PLCB4: variants seen among roughly 807,000 people sequenced by gnomAD.
PLCB4 encodes the protein phospholipase C beta 4.
Under a neutral mutation model 178.8 loss-of-function variants are expected in PLCB4, and 77 were observed. The ratio of observed to expected loss-of-function variants is 0.43; its 90% CI spans 0.36 to 0.52. The LOEUF is 0.52. Among genes scored for constraint, PLCB4 ranks in the 20% least tolerant of loss-of-function variants. The probability of loss-of-function intolerance (pLI) is 0.00; values close to 1 mark genes in which losing one functional copy is unlikely to be tolerated. For missense variants in PLCB4, 1,024 were observed against 1,453.4 expected, an observed-to-expected ratio of 0.70 and a Z score of 4.80; for synonymous variants, 496 against 490.8, an observed-to-expected ratio of 1.01 and a Z score of -0.14.
chr20:9,282,693 C>T (rs742278), intron 3 of PLCB4, among the ~76,000 whole-genome samples: 48,494 of 151,848 alleles, frequency 0.32, 7,784 homozygotes, highest in East Asian at 0.37. Context: ...TCAAATTTTG[C>T]AGAATTTTTT....
At chr20:9,171,876 A>G (rs2093069532) in intron 2 of PLCB4, among the ~76,000 whole-genome samples, 1 of 152,170 alleles carries the variant, frequency 6.6e-6, no homozygotes, top group Non-Finnish European at 1.5e-5. Flanking sequence ...ATGGAAAGAA[A>G]TATCAATCGA....
At chr20:9,246,885 TTAATACCTAGAACAAAAC>T (rs2094131917) in intron 3 of PLCB4, among the ~76,000 whole-genome samples, 2 of 152,168 alleles carry the variant, frequency 1.3e-5, no homozygotes, top group Non-Finnish European at 2.9e-5. Flanking sequence ...ATAGTGTTTA[TTAATACCTAGAACAAAAC>T]ATATAGGATT....
chr20:9,330,753 T>C (rs1298082490), intron 4 of PLCB4, among the ~76,000 whole-genome samples: 2 of 152,216 alleles, frequency 1.3e-5, no homozygotes, highest in Non-Finnish European at 2.9e-5. Flanking sequence ...CTGTGGCTCA[T>C]GGTGAACGTA....
rs35490634 is a variant in PLCB4 at position 9,194,000 on chromosome 20, CT to C, written c.-78-23380del. 2.4e-4 allele frequency among the ~76,000 whole-genome samples: 36 copies of C among 150,752 alleles called. No individual in the cohort carries two copies. In the East Asian group the frequency reaches 4.7e-3, roughly 20 times the overall value. On this transcript the variant is annotated intron_variant, in intron 2 of 39. Coordinates refer to ENST00000378473, the MANE Select transcript of PLCB4 (RefSeq NM_001377142.1). Reference sequence around the variant, plus strand: ...ATATAGTGTCTTTAAGCATGAACTGCTTTTTTTTTTAAAAAAAATTGGAAGC... The same window carrying C: ...ATATAGTGTCTTTAAGCATGAACTGCTTTTTTTTTAAAAAAAATTGGAAGC...
At chr20:9,311,479 C>A (rs1216942241) in intron 4 of PLCB4, among the ~76,000 whole-genome samples, 1 of 152,164 alleles carries the variant, frequency 6.6e-6, no homozygotes, top group Non-Finnish European at 1.5e-5. Context: ...CCAGCCCAAC[C>A]AGGAGTGTCT....
chr20:9,307,546 C>T (rs1031601885), intron 3 of PLCB4, among the ~76,000 whole-genome samples: 9 of 140,270 alleles, frequency 6.4e-5, no homozygotes, highest in African/African-American at 1.9e-4. Context: ...CACACACACA[C>T]ATCTTGTTAT....
At chr20:9,383,391 A>G (rs1166065425) in intron 13 of PLCB4, among the ~76,000 whole-genome samples, 1 of 152,192 alleles carries the variant, frequency 6.6e-6, no homozygotes, top group Admixed American at 6.5e-5. Context: ...TCATTATGCT[A>G]TCATCTGAAC....
chr20:9,150,112 T>C (rs1192813651), intron 2 of PLCB4, among the ~76,000 whole-genome samples: 1 of 152,192 alleles, frequency 6.6e-6, no homozygotes, highest in East Asian at 1.9e-4. Flanking sequence ...TGAAGCAGTG[T>C]CTGGGCGTCA....
At chr20:9,191,592 A>G (rs907463595) in intron 2 of PLCB4, among the ~76,000 whole-genome samples, 3 of 152,098 alleles carry the variant, frequency 2.0e-5, no homozygotes, top group Non-Finnish European at 2.9e-5. Flanking sequence ...TTGGATTTTA[A>G]GTGAGTTCTA....
chr20:9,299,106 G>A (rs1011257715), intron 3 of PLCB4, among the ~76,000 whole-genome samples: 1 of 152,028 alleles, frequency 6.6e-6, no homozygotes, highest in Non-Finnish European at 1.5e-5. Flanking sequence ...ACTGGGATGT[G>A]TGAAGGCTCC....
At chr20:9,144,705 G>A (rs117045719) in intron 2 of PLCB4, among the ~76,000 whole-genome samples, 37,963 of 81,430 alleles carry the variant, frequency 0.47, 9,098 homozygotes, top group Middle Eastern at 0.55. Flanking sequence ...GGGAAGGAGG[G>A]GAAGAAGGGG....
At chr20:9,177,861 A>T (rs2093180989) in intron 2 of PLCB4, among the ~76,000 whole-genome samples, 1 of 152,220 alleles carries the variant, frequency 6.6e-6, no homozygotes, top group African/African-American at 2.4e-5. Context: ...GCCTGTCCTC[A>T]TCTCATTTTG....
intron 2 of PLCB4, among the ~76,000 whole-genome samples, chr20:9,210,039 A>G (rs948518237): frequency 6.6e-6 from 1 of 151,906 alleles, no homozygotes; most frequent in African/African-American, 2.4e-5. Flanking sequence ...CTACAGAGCT[A>G]TGAGCTAATG....
At chr20:9,282,988 G>A (rs909976100) in intron 3 of PLCB4, among the ~76,000 whole-genome samples, 2 of 152,030 alleles carry the variant, frequency 1.3e-5, no homozygotes, top group African/African-American at 2.4e-5. Context: ...CAAGTCACAT[G>A]TCTAAAACCC....
At chr20:9,407,381 T>TC (rs2039521976) in intron 21 of PLCB4, among the ~76,000 whole-genome samples, 1 of 151,934 alleles carries the variant, frequency 6.6e-6, no homozygotes, top group Non-Finnish European at 1.5e-5. Flanking sequence ...TCTTTTTTTT[T>TC]TTTTTTGAGA....
At chr20:9,278,132 C>T (rs1017666526) in intron 3 of PLCB4, among the ~76,000 whole-genome samples, 5 of 152,082 alleles carry the variant, frequency 3.3e-5, no homozygotes, top group Middle Eastern at 3.4e-3. Context: ...TCCAGTTGCA[C>T]GGACTCTCCC....
intron 12 of PLCB4, among the ~76,000 whole-genome samples, chr20:9,373,389 A>G (rs1202911612): frequency 6.6e-6 from 1 of 152,142 alleles, no homozygotes; most frequent in Non-Finnish European, 1.5e-5. Flanking sequence ...ATTTAAGTAA[A>G]TGTGTCTGTG....
chr20:9,294,019 G>C (rs1478571388), intron 3 of PLCB4, among the ~76,000 whole-genome samples: 1 of 152,186 alleles, frequency 6.6e-6, no homozygotes. Flanking sequence ...CTGCTTTCCA[G>C]TGCAGCTGAG....
At chr20:9,091,319 C>G (rs1353189981) in intron 1 of PLCB4, among the ~76,000 whole-genome samples, 2 of 152,126 alleles carry the variant, frequency 1.3e-5, no homozygotes, top group African/African-American at 2.4e-5. Flanking sequence ...GGAACCACAT[C>G]TGGTTTATGA....
Sources: allele counts gnomAD v4.1 joint callset (sites outside exome capture counted in the v4.1 genomes callset), GRCh38; gene constraint gnomAD v4.1.1; transcripts MANE v1.5; gene names NCBI Gene and HGNC (gene_info 2026-07-23, HGNC 2026-07-21).